Variants in ZDHHC24 observed in about 807,000 individuals in gnomAD.
ZDHHC24 encodes the protein probable palmitoyltransferase ZDHHC24.
A neutral mutation model predicts 23.2 loss-of-function variants in ZDHHC24; 17 were observed. The observed-to-expected ratio is 0.73, with a 90% CI of 0.50 to 1.10. The LOEUF is 1.10. Among genes scored for constraint, ZDHHC24 ranks in the 50% least tolerant of loss-of-function variants. The pLI is 0.00. For missense variants in ZDHHC24, 366 were observed against 393.0 expected, an observed-to-expected ratio of 0.93 and a Z score of 0.58; for synonymous variants, 186 against 194.5, an observed-to-expected ratio of 0.96 and a Z score of 0.36.
intron 2 of ZDHHC24, among the ~76,000 whole-genome samples, chr11:66,540,427 CAAAAAA>C (rs1184182591): frequency 1.9e-5 from 1 of 52,564 alleles, no homozygotes. Context: ...ACTCCCATCT[CAAAAAA>C]AAAAAAAAAA....
At chr11:66,525,186 C>G (rs1364933143) in intron 4 of ZDHHC24, among the ~76,000 whole-genome samples, 15 of 140,892 alleles carry the variant, frequency 1.1e-4, no homozygotes, top group African/African-American at 3.8e-4. Context: ...GGTGACAGAG[C>G]GAGACTCCAT....
chr11:66,534,719 G>A (rs570015437), downstream of ZDHHC24, among the ~76,000 whole-genome samples: 18 of 151,658 alleles, frequency 1.2e-4, no homozygotes, highest in African/African-American at 4.4e-4. Context: ...TTTTTGAGAC[G>A]GAGTCTCACT....
chr11:66,545,749 G>A lies in ZDHHC24; in HGVS notation c.255C>T (p.Ala85=), dbSNP rs1369834050. The change falls in exon 1 of 3, where the codon GCC becomes GCT. Residue 85 remains alanine, a synonymous_variant. Coordinates refer to ENST00000310442, the MANE Select transcript of ZDHHC24 (RefSeq NM_207340.3). The surrounding 1 kb of genome is among the most constrained non-coding windows in gnomAD (Gnocchi z 4.5). ...SDPSIRGVML[A]GRGLGQGWAY... Reference sequence around the variant, plus strand: ...CCCAGCCCTGGCCCAGACCGCGGCCGGCCAGCATCACGCCACGGATGCTGG... The same window carrying A: ...CCCAGCCCTGGCCCAGACCGCGGCCAGCCAGCATCACGCCACGGATGCTGG... 3 of 1,585,356 alleles carry A rather than the reference G, an allele frequency of 1.9e-6. No individual in the cohort carries two copies. Among genetic ancestry groups the A allele is most frequent in the South Asian group, 1.1e-5 (1 of 88,214 alleles).
chr11:66,536,824 A>G lies in ZDHHC24; in HGVS notation c.*2705T>C, dbSNP rs1452289535. On this transcript the variant is annotated 3_prime_UTR_variant, in exon 3 of 3. Coordinates refer to ENST00000310442, the MANE Select transcript of ZDHHC24 (RefSeq NM_207340.3). ...GGGAGGCGGAGGTTTCGGTGAACCA[A>G]GATCGCATCATTGCACTCCAGCCTG... 6.6e-6 allele frequency: 1 copy of G among 151,928 alleles called. No individual in the cohort carries two copies. Among genetic ancestry groups the G allele is most frequent in the Admixed American group, 6.6e-5 (1 of 15,240 alleles). The allele number at this position is 151,928 out of a possible 1,614,324, so 9.4% of individuals were successfully genotyped here.
In ZDHHC24 at chr11:66,529,599, G is replaced by A. The variant is rs546033791; in HGVS notation, c.560-111C>T. On this transcript the variant is annotated intron_variant, in intron 2 of 4. Coordinates refer to the ZDHHC24 transcript ENST00000526986. ...GTGAAGGAGCTAGATAGTGCAGGCA[G>A]GGAGGTGGTAAGAGAGTGAGAAGAG... The A allele has an allele frequency of 3.2e-5, 22 of 692,840 alleles. No individual in the cohort carries two copies. The African/African-American group carries it at 3.7e-4, about 12-fold the overall frequency. 42.9% of individuals were successfully genotyped at this position (692,840 alleles called of 1,614,324 possible). A position where few individuals can be genotyped will look rare whatever the true frequency, so the allele number is the denominator to read the frequency against.
rs558061523 is a variant in ZDHHC24 at position 66,539,409 on chromosome 11, G to A, written c.*120C>T. On this transcript the variant is annotated 3_prime_UTR_variant, in exon 3 of 3. Transcript: ENST00000310442. ...TGTAGGCGGGCAGGGGCAAGGCCAA[G>A]GAAGGGGTGGAGTTGTCCAATGCAG... The A allele has an allele frequency of 1.4e-6, 2 of 1,384,692 alleles. No individual in the cohort carries two copies. The highest frequency in any genetic ancestry group is 1.9e-6 in the Non-Finnish European group (2 of 1,072,140). The allele number at this position is 1,384,692 out of a possible 1,614,324, so 85.8% of individuals were successfully genotyped here.
chr11:66,540,685 G>GC (rs1420730072), intron 2 of ZDHHC24, among the ~76,000 whole-genome samples: 1 of 151,174 alleles, frequency 6.6e-6, no homozygotes, highest in African/African-American at 2.4e-5. Flanking sequence ...CCAAGATTGC[G>GC]CCATTGCACT....
chr11:66,534,807 T>A (rs1182500549), downstream of ZDHHC24, among the ~76,000 whole-genome samples: 1 of 152,062 alleles, frequency 6.6e-6, no homozygotes, highest in African/African-American at 2.4e-5. Flanking sequence ...ACCATTCTCT[T>A]GCCTCAGCCT....
downstream of ZDHHC24, chr11:66,531,560 C>A: frequency 6.6e-7 from 1 of 1,523,308 alleles, no homozygotes; most frequent in East Asian, 2.3e-5. Context: ...TGCAGGGGTG[C>A]TGAGGCTCAG....
intron 1 of ZDHHC24, among the ~76,000 whole-genome samples, chr11:66,544,515 T>G (rs1423816895): frequency 6.6e-6 from 1 of 152,176 alleles, no homozygotes; most frequent in South Asian, 2.1e-4. Context: ...CTGGCCTTCT[T>G]GCTGTTCTGG....
At chr11:66,530,957 C>T, downstream of ZDHHC24, 5 of 1,614,258 alleles carry the variant, frequency 3.1e-6, no homozygotes, top group Non-Finnish European at 4.2e-6. Context: ...AACAACCCGT[C>T]CTGTCCTGGG....
At chr11:66,526,268 G>T (rs1244652771) in intron 4 of ZDHHC24, 2 of 1,459,458 alleles carry the variant, frequency 1.4e-6, no homozygotes, top group Admixed American at 3.4e-5. Context: ...GAAAGAGGAG[G>T]AGGTGGAAAT....
chr11:66,527,113 A>C, intron 3 of ZDHHC24: 2 of 1,209,270 alleles, frequency 1.7e-6, no homozygotes, highest in South Asian at 1.3e-5. Flanking sequence ...ATGGTGGCTC[A>C]CGCCTGTAAT....
At chr11:66,540,427 CAAAAA>C (rs1184182591) in intron 2 of ZDHHC24, among the ~76,000 whole-genome samples, 3 of 52,562 alleles carry the variant, frequency 5.7e-5, no homozygotes, top group Admixed American at 2.4e-4. Flanking sequence ...ACTCCCATCT[CAAAAA>C]AAAAAAAAAA....
intron 4 of ZDHHC24, among the ~76,000 whole-genome samples, chr11:66,524,704 A>G (rs1247953720): frequency 1.3e-5 from 2 of 152,214 alleles, no homozygotes; most frequent in Non-Finnish European, 2.9e-5. Flanking sequence ...TAAGTTGTGA[A>G]TCATTAAATC....
At position 66,526,946 on chromosome 11, in the gene ZDHHC24, C is replaced by A. The variant is rs1021950038; in HGVS notation, c.*11G>T. On this transcript the variant is annotated 3_prime_UTR_variant, in exon 4 of 5. Coordinates refer to the ZDHHC24 transcript ENST00000526986. The stretch of plus-strand genomic sequence containing the variant: ...AGGTAGGTCACTCACCTCTGCAAAT[C>A]CAGGGACAGCCTAGGAGGTACACGT... 1.9e-6 allele frequency: 3 copies of A among 1,581,666 alleles called. No individual in the cohort carries two copies. The African/African-American group carries it at 4.0e-5, about 21-fold the overall frequency.
chr11:66,540,392 A>T (rs1050599856), intron 2 of ZDHHC24, among the ~76,000 whole-genome samples: 15 of 136,574 alleles, frequency 1.1e-4, no homozygotes, highest in African/African-American at 4.2e-4. Context: ...ACGCCACTGC[A>T]CTCCAGCATG....
chr11:66,545,474 A>C lies in ZDHHC24; in HGVS notation c.281+249T>G, dbSNP rs1857286302. ...AGTTTCTCATCTGCACCCCCCTCAA[A>C]TCAGGAATTTGTTCTATTGTACCCT... On this transcript the variant is annotated intron_variant, in intron 1 of 2. Transcript: ENST00000310442. This position sits in a 1 kb window ranked among gnomAD's most constrained non-coding sequence, Gnocchi z 4.5. Among the ~76,000 whole-genome samples, 1 of 152,084 alleles carries C rather than the reference A, an allele frequency of 6.6e-6. No homozygotes were observed. The highest frequency in any genetic ancestry group is 1.5e-5 in the Non-Finnish European group (1 of 68,010).
At chr11:66,544,112 A>G (rs1165041897) in intron 1 of ZDHHC24, 131 bp from the exon 2 acceptor site, 1 of 1,219,988 alleles carries the variant, frequency 8.2e-7, no homozygotes, top group Non-Finnish European at 1.1e-6. Context: ...CAATTTCTTT[A>G]CAAGTAAATG....
Sources: gnomAD v4.1 joint callset for allele counts (sites outside exome capture counted in the v4.1 genomes callset) on GRCh38, gnomAD v4.1.1 for gene constraint, Gnocchi (gnomAD v3.1) non-coding constraint, MANE v1.5 for transcripts, NCBI Gene and HGNC (gene_info 2026-07-23, HGNC 2026-07-21) for gene names.